The following ADAMTSL1 variants were observed in gnomAD, a reference collection of about 807,000 sequenced individuals.
The protein encoded by ADAMTSL1 is ADAMTS like 1, also known as ADAMTS-like protein 1.
Under a neutral mutation model 201.8 loss-of-function variants are expected in ADAMTSL1, and 126 were observed. That is an observed-to-expected ratio of 0.62 (90% CI 0.54 to 0.72). The LOEUF (loss-of-function observed/expected upper bound fraction) is 0.72. Among genes scored for constraint, ADAMTSL1 ranks in the 30% least tolerant of loss-of-function variants. ADAMTSL1 has a pLI of 0.00. For synonymous variants in ADAMTSL1, 1,121 were observed against 903.4 expected (o/e 1.24, Z -4.32); for missense variants, 2,679 against 2,277.8 (o/e 1.18, Z -3.59).
Position 18,654,057 on chromosome 9 carries a change from G to A in ADAMTSL1, c.835-3582G>A, listed in dbSNP as rs142729499. On this transcript the variant is annotated intron_variant, in intron 7 of 28. Coordinates refer to ENST00000380548, the MANE Select transcript of ADAMTSL1 (RefSeq NM_001040272.6). ...TGCCTTGCCAACATGGCAAAACCTC[G>A]TCTCTACTAAAAATACAAAAAATTA... Among the ~76,000 whole-genome samples the A allele has an allele frequency of 5.1e-4, 78 of 152,310 alleles. No individual in the cohort carries two copies. In the East Asian group the frequency reaches 0.014, roughly 28 times the overall value.
At chr9:18,163,590 A>G (rs1827498746) in intron 1 of ADAMTSL1, among the ~76,000 whole-genome samples, 1 of 152,002 alleles carries the variant, frequency 6.6e-6, no homozygotes, top group African/African-American at 2.4e-5. Context: ...GGACCTGGCC[A>G]CAGAGATAAC....
intron 23 of ADAMTSL1, among the ~76,000 whole-genome samples, chr9:18,868,952 T>G (rs1390928670): frequency 2.0e-5 from 3 of 152,230 alleles, no homozygotes; most frequent in African/African-American, 7.2e-5. Flanking sequence ...TGTGCCCTTA[T>G]GTGGAAATAG....
chr9:18,113,732 C>G (rs1411798), intron 1 of ADAMTSL1, among the ~76,000 whole-genome samples: 107,053 of 151,952 alleles, frequency 0.7, 38,334 homozygotes, highest in Non-Finnish European at 0.76. Context: ...AGTCACTGTT[C>G]TGAGGACTTG....
intron 2 of ADAMTSL1, among the ~76,000 whole-genome samples, chr9:18,309,210 A>G (rs964969186): frequency 5.9e-5 from 9 of 152,212 alleles, no homozygotes; most frequent in African/African-American, 2.2e-4. Flanking sequence ...GCTGTTTTTG[A>G]CAAACCCACA....
intron 20 of ADAMTSL1, among the ~76,000 whole-genome samples, chr9:18,815,283 A>G (rs1823764444): frequency 6.6e-6 from 1 of 152,162 alleles, no homozygotes; most frequent in Admixed American, 6.5e-5. Flanking sequence ...ACTATTCACA[A>G]TATCCAAGAT....
At chr9:18,392,188 G>A (rs1838081479) in intron 2 of ADAMTSL1, among the ~76,000 whole-genome samples, 1 of 152,074 alleles carries the variant, frequency 6.6e-6, no homozygotes, top group South Asian at 2.1e-4. Flanking sequence ...CAGTTTATTT[G>A]TTACAAATAT....
At chr9:18,044,330 G>T (rs1220841316) in intron 1 of ADAMTSL1, among the ~76,000 whole-genome samples, 2 of 151,974 alleles carry the variant, frequency 1.3e-5, no homozygotes, top group Non-Finnish European at 2.9e-5. Flanking sequence ...AAATAAAGAG[G>T]CTATTGAAAC....
chr9:18,141,988 C>T lies in ADAMTSL1; in HGVS notation c.88-21874C>T, dbSNP rs78805987. Among the ~76,000 whole-genome samples the T allele has an allele frequency of 1.7e-3, 263 of 152,334 alleles. 3 individuals are homozygous for T. The East Asian group carries it at 0.046, about 27-fold the overall frequency. ...GGCCAGGTTCAGTGAAACTTTACAT[C>T]TGTATCACCTGGGATGGCCCAATAT... is the stretch of plus-strand genomic sequence containing the variant. On this transcript the variant is annotated intron_variant, in intron 1 of 29. Transcript: ENST00000680146.
chr9:18,536,973 A>G (rs1819814151), intron 3 of ADAMTSL1, among the ~76,000 whole-genome samples: 1 of 152,134 alleles, frequency 6.6e-6, no homozygotes, highest in African/African-American at 2.4e-5. Flanking sequence ...GGTATTTAGG[A>G]GGCAGTGACC....
At chr9:18,183,855 T>C (rs1417677022) in intron 2 of ADAMTSL1, among the ~76,000 whole-genome samples, 1 of 152,246 alleles carries the variant, frequency 6.6e-6, no homozygotes, top group Non-Finnish European at 1.5e-5. Flanking sequence ...ATAACTTTTC[T>C]ATTATTTTGA....
Position 18,415,808 on chromosome 9 carries a change from A to G in ADAMTSL1, c.208-89021A>G, listed in dbSNP as rs967975529. ...AAAATCTTAAATGCAGCCAGAGGAA[A>G]ATGACATTTTATATAGAGAAGCAAA... On this transcript the variant is annotated intron_variant, in intron 2 of 29. Coordinates refer to the ADAMTSL1 transcript ENST00000680146. Among the ~76,000 whole-genome samples, 7 of 152,248 alleles carry G rather than the reference A, an allele frequency of 4.6e-5. No homozygotes were observed. The East Asian group carries it at 1.3e-3, about 29-fold the overall frequency.
At chr9:18,310,388 A>AAAAAAAAAAAAAAAAAAAAAAAT (rs1415784049) in intron 2 of ADAMTSL1, among the ~76,000 whole-genome samples, 1 of 139,860 alleles carries the variant, frequency 7.2e-6, no homozygotes, top group African/African-American at 2.6e-5. Flanking sequence ...AAAAAAAAAA[A>AAAAAAAAAAAAAAAAAAAAAAAT]AAAAAAAAAA....
rs1001735687 is a variant in ADAMTSL1 at position 18,276,134 on chromosome 9, A to G, written c.207+112153A>G. Reference sequence around the variant, plus strand: ...CCAACTGTGCTTATTTGCCATTTGTATATTTTTTTTAATGAGTTGTTTTTT... The same window carrying G: ...CCAACTGTGCTTATTTGCCATTTGTGTATTTTTTTTAATGAGTTGTTTTTT... On this transcript the variant is annotated intron_variant, in intron 2 of 29. Coordinates refer to the ADAMTSL1 transcript ENST00000680146. 2.7e-5 allele frequency among the ~76,000 whole-genome samples: 4 copies of G among 150,856 alleles called. No homozygotes were observed. In the South Asian group the frequency reaches 8.3e-4, roughly 31 times the overall value.
At chr9:18,582,249 TTTTG>T (rs1168279786) in intron 4 of ADAMTSL1, among the ~76,000 whole-genome samples, 5 of 152,128 alleles carry the variant, frequency 3.3e-5, no homozygotes, top group African/African-American at 1.2e-4. Flanking sequence ...GCTAGTACCT[TTTTG>T]TTTAACAGTT....
At position 18,908,500 on chromosome 9, in the gene ADAMTSL1, A is replaced by T; in HGVS notation, c.5241A>T (p.Gln1747His). The change falls in exon 29 of 29, where the codon CAA (glutamine) becomes CAT (histidine). Residue 1747 changes from glutamine to histidine, a missense_variant. Coordinates refer to ENST00000380548, the MANE Select transcript of ADAMTSL1 (RefSeq NM_001040272.6). Reference protein sequence around the residue: ...CEKVKQLKLCQLSQFKSRCCG... With the variant: ...CEKVKQLKLCHLSQFKSRCCG... ...AGGTGAAACAGCTGAAACTCTGCCA[A>T]CTCAGCCAGTTTAAATCTCGCTGCT... 6.4e-7 allele frequency: 1 copy of T among 1,564,408 alleles called. No homozygotes were observed. The highest frequency in any genetic ancestry group is 1.2e-5 in the South Asian group (1 of 84,574).
At chr9:18,205,350 CTT>C (rs1829604767) in intron 2 of ADAMTSL1, among the ~76,000 whole-genome samples, 2 of 151,992 alleles carry the variant, frequency 1.3e-5, no homozygotes, top group African/African-American at 4.8e-5. Context: ...ACAATAACAT[CTT>C]AGGATATGAT....
chr9:18,834,836 T>C (rs200566805), intron 23 of ADAMTSL1, among the ~76,000 whole-genome samples: 1 of 152,236 alleles, frequency 6.6e-6, no homozygotes, highest in Non-Finnish European at 1.5e-5. Flanking sequence ...TAGTATTTCA[T>C]TGTATATACT....
At chr9:18,128,384 C>T (rs923963127) in intron 1 of ADAMTSL1, among the ~76,000 whole-genome samples, 2 of 152,058 alleles carry the variant, frequency 1.3e-5, no homozygotes, top group Admixed American at 6.6e-5. Flanking sequence ...TCCCTGGAGA[C>T]AGGGTCTCAC....
At chr9:18,315,759 A>C (rs898974566) in intron 2 of ADAMTSL1, among the ~76,000 whole-genome samples, 2 of 152,174 alleles carry the variant, frequency 1.3e-5, no homozygotes, top group African/African-American at 4.8e-5. Context: ...GCCTCAGCCA[A>C]CCTAGAGAGG....
Sources: gnomAD v4.1 joint callset for allele counts (sites outside exome capture counted in the v4.1 genomes callset) on GRCh38, gnomAD v4.1.1 for gene constraint, MANE v1.5 for transcripts, NCBI Gene and HGNC (gene_info 2026-07-23, HGNC 2026-07-21) for gene names.